MCPH1: variants seen among roughly 807,000 people sequenced by gnomAD.
The protein encoded by MCPH1 is microcephalin 1, also known as microcephalin.
A neutral mutation model predicts 84.5 loss-of-function variants in MCPH1; 104 were observed. That is an observed-to-expected ratio of 1.23 (90% CI 1.05 to 1.45). The LOEUF (loss-of-function observed/expected upper bound fraction) is 1.45, where lower values mean the gene tolerates loss of function less well. Among genes scored for constraint, MCPH1 ranks in the 40% most tolerant of loss-of-function variants. The pLI, the probability that MCPH1 is intolerant of heterozygous loss-of-function variation, is 0.00. For synonymous variants in MCPH1, 514 were observed against 366.8 expected, an observed-to-expected ratio of 1.40 and a Z score of -4.58; for missense variants, 1,498 against 1,005.7, an observed-to-expected ratio of 1.49 and a Z score of -6.62.
At chr8:6,619,587 A>T (rs1383385655) in intron 12 of MCPH1, among the ~76,000 whole-genome samples, 1 of 150,282 alleles carries the variant, frequency 6.7e-6, no homozygotes, top group Non-Finnish European at 1.5e-5. Context: ...CACTGCGCCC[A>T]GCCTTTTTTT....
At chr8:6,520,478 C>T (rs562903205) in intron 12 of MCPH1, among the ~76,000 whole-genome samples, 1 of 152,178 alleles carries the variant, frequency 6.6e-6, no homozygotes, top group South Asian at 2.1e-4. Flanking sequence ...TTACCGCATC[C>T]TCCTCCTCCC....
At chr8:6,560,440 A>G (rs575017387) in intron 12 of MCPH1, among the ~76,000 whole-genome samples, 1 of 152,334 alleles carries the variant, frequency 6.6e-6, no homozygotes, top group South Asian at 2.1e-4. Context: ...AAAAACAAAC[A>G]GTGAGGTTAC....
chr8:6,577,693 G>A (rs1827227142), intron 12 of MCPH1, among the ~76,000 whole-genome samples: 1 of 152,216 alleles, frequency 6.6e-6, no homozygotes, highest in African/African-American at 2.4e-5. Context: ...TTTAGTAGAT[G>A]GCTAAGCACT....
chr8:6,639,174 T>C (rs1450674877), intron 13 of MCPH1, among the ~76,000 whole-genome samples: 2 of 152,044 alleles, frequency 1.3e-5, no homozygotes, highest in Non-Finnish European at 2.9e-5. Flanking sequence ...GATGGGTGGA[T>C]GGTTGGATGG....
rs141870181 is a variant in MCPH1 at position 6,624,477 on chromosome 8, G to T, written c.2452+2786G>T. ...GTAGTAGACCTCTCCAGTGTACCAG[G>T]CCTCTCCAGCCCACACTCTCTGAGA... is the stretch of plus-strand genomic sequence containing the variant. On this transcript the variant is annotated intron_variant, in intron 13 of 13. Coordinates refer to ENST00000344683, the MANE Select transcript of MCPH1 (RefSeq NM_024596.5). Among the ~76,000 whole-genome samples, 266 of 152,254 alleles carry T rather than the reference G, an allele frequency of 1.7e-3. 2 individuals are homozygous for T. Among genetic ancestry groups the T allele is most frequent in the Non-Finnish European group, 3.3e-3 (222 of 68,020 alleles).
At chr8:6,472,126 T>C (rs765797830) in intron 9 of MCPH1, among the ~76,000 whole-genome samples, 4 of 152,166 alleles carry the variant, frequency 2.6e-5, no homozygotes, top group Non-Finnish European at 4.4e-5. Flanking sequence ...TTTATAAAAA[T>C]GGAAGAACAT....
At chr8:6,550,093 C>T (rs1343816590) in intron 12 of MCPH1, among the ~76,000 whole-genome samples, 1 of 152,202 alleles carries the variant, frequency 6.6e-6, no homozygotes, top group Non-Finnish European at 1.5e-5. Context: ...ACAACGCTGT[C>T]TTCAAAAGAA....
chr8:6,425,514 G>A lies in MCPH1; in HGVS notation c.234-5985G>A, dbSNP rs372944251. ...CACTTACTTCTTCATAGTGAGTGAT[G>A]ATAGTTACACCCAGGTAGATGAAAT... is the stretch of plus-strand genomic sequence containing the variant. On this transcript the variant is annotated intron_variant, in intron 3 of 13. Coordinates refer to ENST00000344683, the MANE Select transcript of MCPH1 (RefSeq NM_024596.5). 2.6e-5 allele frequency among the ~76,000 whole-genome samples: 4 copies of A among 152,300 alleles called. No homozygotes were observed. The South Asian group carries it at 8.3e-4, about 32-fold the overall frequency.
intron 9 of MCPH1, among the ~76,000 whole-genome samples, chr8:6,458,576 T>G (rs2920665): frequency 0.29 from 43,343 of 151,754 alleles, 8,371 homozygotes; most frequent in African/African-American, 0.55. Context: ...GAAGGACGTG[T>G]TTTATTATTT....
chr8:6,498,694 C>A (rs145984092), intron 11 of MCPH1, among the ~76,000 whole-genome samples: 1 of 152,180 alleles, frequency 6.6e-6, no homozygotes, highest in Non-Finnish European at 1.5e-5. Flanking sequence ...TATTCTTTTA[C>A]GTTGCCTCTT....
At chr8:6,434,487 G>A (rs565619140) in intron 4 of MCPH1, among the ~76,000 whole-genome samples, 9 of 152,128 alleles carry the variant, frequency 5.9e-5, no homozygotes, top group Admixed American at 2.0e-4. Context: ...AGTGCAGGCC[G>A]GTTCCAAGCC....
intron 12 of MCPH1, among the ~76,000 whole-genome samples, chr8:6,505,298 T>TAGA (rs1563305811): frequency 8.2e-5 from 7 of 85,588 alleles, no homozygotes; most frequent in African/African-American, 5.2e-4. Context: ...TATATACATA[T>TAGA]ATATGTATAT....
chr8:6,624,214 C>T (rs893718224), intron 13 of MCPH1, among the ~76,000 whole-genome samples: 1 of 152,260 alleles, frequency 6.6e-6, no homozygotes, highest in African/African-American at 2.4e-5. Context: ...AGTTCTCTGA[C>T]TTCCAGGCCT....
intron 8 of MCPH1, chr8:6,447,155 C>T: frequency 3.0e-6 from 3 of 985,418 alleles, no homozygotes; most frequent in Non-Finnish European, 3.6e-6. Flanking sequence ...TGTTGGCTAG[C>T]CTAAATCGAA....
rs770946984 is a variant in MCPH1 at position 6,493,937 on chromosome 8, TA to T, written c.2137-5912del. 5.8e-3 allele frequency among the ~76,000 whole-genome samples: 348 copies of T among 60,282 alleles called. 1 individual carries two copies. The highest frequency in any genetic ancestry group is 0.016 in the Non-Finnish European group (253 of 15,790). The allele number at this position is 60,282 out of a possible 152,430, so 39.5% of individuals were successfully genotyped here. A position where few individuals can be genotyped will look rare whatever the true frequency, so the allele number is the denominator to read the frequency against. On this transcript the variant is annotated intron_variant, in intron 11 of 13. Coordinates refer to ENST00000344683, the MANE Select transcript of MCPH1 (RefSeq NM_024596.5). Reference sequence around the variant, plus strand: ...TCATGGTCATAGTGCTTGGAAATAGTAAATTTTTTTTTTTTTTCTTTGAGAC... The same window carrying T: ...TCATGGTCATAGTGCTTGGAAATAGTAATTTTTTTTTTTTTTCTTTGAGAC...
chr8:6,474,128 T>G, intron 9 of MCPH1: 1 of 762,448 alleles, frequency 1.3e-6, no homozygotes. Context: ...ACAACCGTGG[T>G]AATCAACAAT....
At chr8:6,529,881 C>T (rs1361821515) in intron 12 of MCPH1, among the ~76,000 whole-genome samples, 2 of 104,898 alleles carry the variant, frequency 1.9e-5, no homozygotes, top group South Asian at 2.7e-4. Flanking sequence ...TCACAATAGG[C>T]GTTTTTTTTT....
chr8:6,621,335 G>A (rs1483796961), intron 12 of MCPH1, 119 bp from the exon 13 acceptor site: 16 of 1,259,172 alleles, frequency 1.3e-5, no homozygotes, highest in Middle Eastern at 2.2e-4. Context: ...CAGGAGCATG[G>A]CAGCCTTACA....
chr8:6,544,978 A>G (rs371255672), intron 12 of MCPH1, among the ~76,000 whole-genome samples: 9 of 152,238 alleles, frequency 5.9e-5, no homozygotes, highest in East Asian at 5.8e-4. Context: ...GGAGACTGGT[A>G]TGATGAGCTC....
Sources: allele counts gnomAD v4.1 joint callset (sites outside exome capture counted in the v4.1 genomes callset), GRCh38; gene constraint gnomAD v4.1.1; transcripts MANE v1.5; gene names NCBI Gene and HGNC (gene_info 2026-07-23, HGNC 2026-07-21).